Variants in SLC8A2 observed in about 807,000 individuals in gnomAD.
The protein encoded by SLC8A2 is solute carrier family 8 member A2.
Under a neutral mutation model 70.2 loss-of-function variants are expected in SLC8A2, and 14 were observed. The ratio of observed to expected loss-of-function variants is 0.20; its 90% confidence interval spans 0.13 to 0.31. SLC8A2 has a LOEUF of 0.31. SLC8A2 is among the 10% of genes least tolerant of loss of function. The pLI, the probability that SLC8A2 is intolerant of heterozygous loss-of-function variation, is 1.00. For synonymous variants in SLC8A2, 575 were observed against 594.3 expected (o/e 0.97, Z 0.47); for missense variants, 779 against 1,320.1 (o/e 0.59, Z 6.35).
intron 1 of SLC8A2, among the ~76,000 whole-genome samples, chr19:47,471,163 C>T (rs1967533779): frequency 6.7e-6 from 1 of 148,876 alleles, no homozygotes; most frequent in African/African-American, 2.5e-5. Context: ...GAGAGACATG[C>T]GGACATGGGA....
chr19:47,437,682 C>A (rs977689218), intron 7 of SLC8A2, 121 bp from the exon 8 acceptor site: 2 of 1,142,950 alleles, frequency 1.7e-6, no homozygotes, highest in Non-Finnish European at 2.6e-6. Flanking sequence ...TCCACACCCC[C>A]GTTCTGAAGG....
chr19:47,461,398 A>G (rs1177164482), intron 2 of SLC8A2, among the ~76,000 whole-genome samples: 1 of 151,724 alleles, frequency 6.6e-6, no homozygotes, highest in Non-Finnish European at 1.5e-5. Flanking sequence ...AATTCCAGCT[A>G]TTAGGAAGGC....
chr19:47,456,911 C>T lies in SLC8A2; in HGVS notation c.1340+19G>A, dbSNP rs1182257063. On this transcript the variant is annotated intron_variant, in intron 3 of 9. Transcript: ENST00000236877. ...GCCTGCGCCAGCCCCCTGCACACCC[C>T]CCACCCCGGGGGACCCACCTGTACT... is the stretch of plus-strand genomic sequence containing the variant. The T allele has an allele frequency of 6.4e-7, 1 of 1,570,594 alleles. No homozygotes were observed. Among genetic ancestry groups the T allele is most frequent in the Non-Finnish European group, 8.6e-7 (1 of 1,160,340 alleles).
In SLC8A2 at chr19:47,448,328, T is replaced by G; in HGVS notation, c.1341-97A>C. On this transcript the variant is annotated intron_variant, in intron 3 of 9. Transcript: ENST00000236877. This position sits in a 1 kb window ranked among gnomAD's most constrained non-coding sequence, Gnocchi z 4.8. ...CTGGACGTGCTTCCCAGAGGAGACG[T>G]AGGTGCCATAGAAGAACTCCCAAGT... 1 of 883,802 alleles carries G rather than the reference T, an allele frequency of 1.1e-6. No individual in the cohort carries two copies. The highest frequency in any genetic ancestry group is 2.6e-5 in the Admixed American group (1 of 38,196). 54.7% of individuals were successfully genotyped at this position (883,802 alleles called of 1,614,324 possible). A position where few individuals can be genotyped will look rare whatever the true frequency, so the allele number is the denominator to read the frequency against.
chr19:47,451,839 A>G lies in SLC8A2; in HGVS notation c.1341-3608T>C, dbSNP rs142334628. ...TGAGAATCATTCTAGTAACTGGCCT[A>G]TCATCTTCAAAAGCATCAGGTCACA... On this transcript the variant is annotated intron_variant, in intron 3 of 9. Transcript: ENST00000236877. Among the ~76,000 whole-genome samples the G allele has an allele frequency of 4.4e-3, 675 of 152,318 alleles. 9 individuals carry two copies. Among genetic ancestry groups the G allele is most frequent in the African/African-American group, 0.015 (634 of 41,566 alleles).
At chr19:47,460,696 TAAAAA>T (rs570411930) in intron 2 of SLC8A2, among the ~76,000 whole-genome samples, 1 of 135,400 alleles carries the variant, frequency 7.4e-6, no homozygotes, top group Non-Finnish European at 1.6e-5. Context: ...GACTCCATCT[TAAAAA>T]AAAAAAAGAA....
chr19:47,464,898 G>A lies in SLC8A2; in HGVS notation c.675+831C>T, dbSNP rs184430843. On this transcript the variant is annotated intron_variant, in intron 2 of 9. Transcript: ENST00000236877. ...TACATAGTATGCGAGTTAAGACATG[G>A]GGTGAGCGAAAGGCTAATGATTATG... Among the ~76,000 whole-genome samples, 252 of 152,316 alleles carry A rather than the reference G, an allele frequency of 1.7e-3. 2 individuals carry two copies. The highest frequency in any genetic ancestry group is 2.2e-3 in the Admixed American group (33 of 15,296).
chr19:47,466,806 C>T lies in SLC8A2; in HGVS notation c.-16-387G>A, dbSNP rs1300153765. Among the ~76,000 whole-genome samples the T allele has an allele frequency of 6.6e-6, 1 of 152,160 alleles. No individual in the cohort carries two copies. Among genetic ancestry groups the T allele is most frequent in the African/African-American group, 2.4e-5 (1 of 41,434 alleles). On this transcript the variant is annotated intron_variant, in intron 1 of 9. Transcript: ENST00000236877. The surrounding 1 kb of genome is among the most constrained non-coding windows in gnomAD (Gnocchi z 6.9). Reference sequence around the variant, plus strand: ...TAGCAGGCCGGGTGCGGTGGCTACGCCTGTAATCCCTGAACTTTGGGAGGC... The same window carrying T: ...TAGCAGGCCGGGTGCGGTGGCTACGTCTGTAATCCCTGAACTTTGGGAGGC...
chr19:47,443,146 C>T (rs759312991), intron 4 of SLC8A2, among the ~76,000 whole-genome samples: 34 of 152,188 alleles, frequency 2.2e-4, no homozygotes, highest in Non-Finnish European at 4.3e-4. Flanking sequence ...TGGCATAGAG[C>T]ACACCCTCCA....
chr19:47,432,584 C>T lies in SLC8A2; in HGVS notation c.2111-139G>A. ...AGAATCCCTTGCACCTACCTGTGGCCAAGTCAACTGCTAAAAACAGTTACT... is the reference window on the plus strand; with the variant it reads ...AGAATCCCTTGCACCTACCTGTGGCTAAGTCAACTGCTAAAAACAGTTACT... On this transcript the variant is annotated intron_variant, in intron 8 of 9. Coordinates refer to ENST00000236877, the MANE Select transcript of SLC8A2 (RefSeq NM_015063.3). The surrounding 1 kb of genome is among the most constrained non-coding windows in gnomAD (Gnocchi z 6.2). The T allele has an allele frequency of 1.3e-6, 1 of 780,374 alleles. No individual in the cohort carries two copies. The highest frequency in any genetic ancestry group is 2.0e-6 in the Non-Finnish European group (1 of 506,968). The allele number at this position is 780,374 out of a possible 1,614,324, so 48.3% of individuals were successfully genotyped here.
In SLC8A2 at chr19:47,432,409, T is replaced by C; in HGVS notation, c.2147A>G (p.Glu716Gly). 2 of 1,608,836 alleles carry C rather than the reference T, an allele frequency of 1.2e-6. No individual in the cohort carries two copies. The highest frequency in any genetic ancestry group is 1.7e-6 in the Non-Finnish European group (2 of 1,177,290). ...EEEEEDGSRE[E>G]RLPSCFDYVM... ...GTAGTCAAAGCACGACGGCAGCCGC[T>C]CCTCCCGGGACCCGTCCTCCTCCTC... The change falls in exon 9 of 10, where the codon GAG (glutamate) becomes GGG (glycine). Residue 716 changes from glutamate to glycine, a missense_variant. Coordinates refer to ENST00000236877, the MANE Select transcript of SLC8A2 (RefSeq NM_015063.3). This position sits in a 1 kb window ranked among gnomAD's most constrained non-coding sequence, Gnocchi z 6.2.
At position 47,432,277 on chromosome 19, in the gene SLC8A2, C is replaced by G. The variant is rs1197814892; in HGVS notation, c.2279G>C (p.Gly760Ala). The change falls in exon 9 of 10, where the codon GGC becomes GCC. Residue 760 changes from glycine to alanine, a missense_variant. Physicochemically the swap from Gly to Ala is moderately conservative, Grantham distance 60. Around this residue, in one of 6 missense-constraint regions of SLC8A2, gnomAD observed 108 missense variants for 269.6 expected, o/e 0.40. Coordinates refer to ENST00000236877, the MANE Select transcript of SLC8A2 (RefSeq NM_015063.3). The surrounding 1 kb of genome is among the most constrained non-coding windows in gnomAD (Gnocchi z 6.2). ...GTCCCCAATGAGGGCGGTGAGCAGG[C>G]CGATGACCAGGATGGAGACACCAAA... ...ACFGVSILVI[G>A]LLTALIGDLA... 6.2e-7 allele frequency: 1 copy of G among 1,613,988 alleles called. No homozygotes were observed. The highest frequency in any genetic ancestry group is 8.5e-7 in the Non-Finnish European group (1 of 1,179,996).
rs186727048 is a variant in SLC8A2, at chr19:47,429,735, G to T, written c.*354C>A. ...GACTTTGGGGGCAAAGCCAGGCTGG[G>T]TGACCAAGGAGAGAGACCTTAAACT... On this transcript the variant is annotated 3_prime_UTR_variant, in exon 10 of 10. Coordinates refer to ENST00000236877, the MANE Select transcript of SLC8A2 (RefSeq NM_015063.3). 97 of 266,712 alleles carry T rather than the reference G, an allele frequency of 3.6e-4. No individual in the cohort carries two copies. The highest frequency in any genetic ancestry group is 6.4e-4 in the Non-Finnish European group (89 of 139,852). 16.5% of individuals were successfully genotyped at this position (266,712 alleles called of 1,614,324 possible).
intron 3 of SLC8A2, among the ~76,000 whole-genome samples, chr19:47,449,436 C>G (rs1183301596): frequency 4.6e-5 from 7 of 152,184 alleles, no homozygotes; most frequent in African/African-American, 1.2e-4. Flanking sequence ...ATTCTCCCAC[C>G]TCAGCCTCCC....
At chr19:47,434,895 A>G (rs147854369) in intron 8 of SLC8A2, among the ~76,000 whole-genome samples, 54 of 152,288 alleles carry the variant, frequency 3.5e-4, no homozygotes, top group African/African-American at 1.3e-3. Flanking sequence ...TAAATTTCCA[A>G]CCATGCCTGG....
chr19:47,452,439 A>T (rs1354947283), intron 3 of SLC8A2, among the ~76,000 whole-genome samples: 158 of 77,816 alleles, frequency 2.0e-3, no homozygotes, highest in African/African-American at 7.2e-3. Flanking sequence ...AGAGAGAGAG[A>T]GAGAGAGTGT....
At chr19:47,441,089 A>T (rs764280131) in intron 6 of SLC8A2, 80 bp downstream of exon 6, 4 of 1,355,990 alleles carry the variant, frequency 2.9e-6, no homozygotes, top group Non-Finnish European at 4.2e-6. Flanking sequence ...CTGGAAGAGT[A>T]GCTTTGGGGC....
chr19:47,462,959 G>A (rs1365888407), intron 2 of SLC8A2, among the ~76,000 whole-genome samples: 5 of 152,096 alleles, frequency 3.3e-5, no homozygotes, highest in African/African-American at 1.2e-4. Context: ...TTTAAATCTC[G>A]TGGCTACCTG....
chr19:47,441,108 T>TC, intron 6 of SLC8A2, 61 bp downstream of exon 6: 1 of 1,525,034 alleles, frequency 6.6e-7, no homozygotes, highest in Non-Finnish European at 9.1e-7. Context: ...GCTGGGACCC[T>TC]CCCCCAGGCC....
Sources: allele counts gnomAD v4.1 joint callset (sites outside exome capture counted in the v4.1 genomes callset), GRCh38; gene constraint gnomAD v4.1.1; regional missense constraint gnomAD v4.1.1; non-coding constraint Gnocchi (gnomAD v3.1); transcripts MANE v1.5; gene names NCBI Gene and HGNC (gene_info 2026-07-23, HGNC 2026-07-21).